AP3B1: variants seen among roughly 807,000 people sequenced by gnomAD.
The protein encoded by AP3B1 is AP-3 complex subunit beta-1.
AP3B1 carries 61 observed loss-of-function variants against 132.5 expected under a neutral mutation model. That is an observed-to-expected ratio of 0.46 (90% CI 0.37 to 0.57). The LOEUF (loss-of-function observed/expected upper bound fraction) is 0.57, where lower values mean the gene tolerates loss of function less well. Ranked by LOEUF, AP3B1 falls within the 20% of genes least tolerant of loss-of-function variation. The pLI, the probability that AP3B1 is intolerant of heterozygous loss-of-function variation, is 0.00. For synonymous variants in AP3B1, 388 were observed against 438.3 expected, an observed-to-expected ratio of 0.89 and a Z score of 1.43; for missense variants, 1,120 against 1,289.4, an observed-to-expected ratio of 0.87 and a Z score of 2.01.
intron 25 of AP3B1, among the ~76,000 whole-genome samples, chr5:78,020,034 G>A (rs1172233558): frequency 1.3e-5 from 2 of 151,222 alleles, no homozygotes; most frequent in Non-Finnish European, 2.9e-5. Context: ...ATTCACATAC[G>A]AAAAAAAACC....
intron 6 of AP3B1, among the ~76,000 whole-genome samples, chr5:78,220,913 G>A (rs1337845994): frequency 6.6e-6 from 1 of 152,054 alleles, no homozygotes; most frequent in Non-Finnish European, 1.5e-5. Flanking sequence ...GCTGGGCATG[G>A]TGGTGCATGT....
At chr5:78,245,854 A>G (rs554626377) in intron 2 of AP3B1, among the ~76,000 whole-genome samples, 4 of 152,202 alleles carry the variant, frequency 2.6e-5, no homozygotes, top group Non-Finnish European at 5.9e-5. Flanking sequence ...TTTTCATTTT[A>G]TTTGGTTGAA....
chr5:78,141,223 T>C lies in AP3B1; in HGVS notation c.1570A>G (p.Ser524Gly). The part of the protein sequence containing the change: ...APDVLRKMAK[S>G]FTSEDDLVKL... Reference sequence around the variant, plus strand: ...ACCAGATCATCTTCACTAGTGAAGCTTTTAGCCATCTTCCTCAAAACATCA... The same window carrying C: ...ACCAGATCATCTTCACTAGTGAAGCCTTTAGCCATCTTCCTCAAAACATCA... The change falls in exon 15 of 27, where the codon AGC becomes GGC. Residue 524 changes from serine to glycine, a missense_variant. Around this residue, in one of 3 missense-constraint regions of AP3B1, gnomAD observed 906 missense variants for 997.1 expected, o/e 0.91. Transcript: ENST00000255194. The C allele has an allele frequency of 1.2e-6, 2 of 1,613,846 alleles. No homozygotes were observed. Among genetic ancestry groups the C allele is most frequent in the Non-Finnish European group, 1.7e-6 (2 of 1,179,766 alleles).
intron 7 of AP3B1, among the ~76,000 whole-genome samples, chr5:78,205,536 C>G (rs949221111): frequency 6.6e-6 from 1 of 151,860 alleles, no homozygotes. Context: ...ACAACTAGCT[C>G]TGGAAGCAAT....
chr5:78,227,680 AGG>A (rs1312726893), intron 4 of AP3B1, 148 bp from the exon 5 acceptor site: 2 of 721,094 alleles, frequency 2.8e-6, no homozygotes, highest in Admixed American at 2.7e-5. Flanking sequence ...ATTAGTATAT[AGG>A]AATGGGAAAA....
At chr5:78,157,403 C>T (rs930743902) in intron 13 of AP3B1, among the ~76,000 whole-genome samples, 1 of 152,094 alleles carries the variant, frequency 6.6e-6, no homozygotes, top group Non-Finnish European at 1.5e-5. Flanking sequence ...CTTGCCAGAG[C>T]CTTAACTAAT....
At chr5:78,268,903 C>T (rs141246997) in intron 1 of AP3B1, among the ~76,000 whole-genome samples, 13 of 152,128 alleles carry the variant, frequency 8.5e-5, no homozygotes, top group Admixed American at 1.3e-4. Flanking sequence ...CAGCTTCTCA[C>T]GTATGTCATA....
In AP3B1 at chr5:78,147,341, T is replaced by C. The variant is rs1396502628; in HGVS notation, c.1474-6022A>G. 3.3e-5 allele frequency among the ~76,000 whole-genome samples: 5 copies of C among 152,136 alleles called. No individual in the cohort carries two copies. The East Asian group carries it at 9.6e-4, about 29-fold the overall frequency. ...GCTTAATATCTCTTTCCTTACCTTC[T>C]TATTTTCAACTTTTATCACTTGATT... On this transcript the variant is annotated intron_variant, in intron 14 of 26. Transcript: ENST00000255194.
intron 24 of AP3B1, among the ~76,000 whole-genome samples, chr5:78,024,416 TCTCAG>T (rs1427397028): frequency 4.1e-4 from 62 of 152,006 alleles, no homozygotes; most frequent in African/African-American, 1.5e-3. Flanking sequence ...GGAGACAGGG[TCTCAG>T]CTCTGTCACC....
intron 2 of AP3B1, among the ~76,000 whole-genome samples, chr5:78,260,423 G>T (rs1048710476): frequency 6.6e-6 from 1 of 151,984 alleles, no homozygotes; most frequent in Non-Finnish European, 1.5e-5. Flanking sequence ...TGAAACCCCC[G>T]TCTCGACTAA....
chr5:78,136,104 T>C (rs747503878), intron 15 of AP3B1, among the ~76,000 whole-genome samples: 6 of 152,102 alleles, frequency 3.9e-5, no homozygotes, highest in Non-Finnish European at 7.4e-5. Context: ...TTTTTCCTAA[T>C]AAGAATACAC....
At chr5:78,256,923 T>A (rs1437821568) in intron 2 of AP3B1, among the ~76,000 whole-genome samples, 8 of 152,140 alleles carry the variant, frequency 5.3e-5, no homozygotes, top group Non-Finnish European at 1.2e-4. Context: ...AAAAACCATA[T>A]GATCATTTCA....
At chr5:78,160,255 C>T (rs1743335871) in intron 13 of AP3B1, among the ~76,000 whole-genome samples, 1 of 152,128 alleles carries the variant, frequency 6.6e-6, no homozygotes, top group Admixed American at 6.5e-5. Flanking sequence ...TAAATGCTTA[C>T]TGAATTGTTT....
chr5:78,221,578 C>T (rs1225243956), intron 6 of AP3B1, among the ~76,000 whole-genome samples: 1 of 151,264 alleles, frequency 6.6e-6, no homozygotes, highest in Non-Finnish European at 1.5e-5. Flanking sequence ...AATAAAATTA[C>T]TGAATGAAAA....
chr5:78,253,496 T>C (rs1747722408), intron 2 of AP3B1, among the ~76,000 whole-genome samples: 1 of 152,178 alleles, frequency 6.6e-6, no homozygotes, highest in Non-Finnish European at 1.5e-5. Flanking sequence ...CAAAAACTGA[T>C]GAACATCTAC....
chr5:78,137,359 A>G (rs1164926377), intron 15 of AP3B1, among the ~76,000 whole-genome samples: 8 of 152,120 alleles, frequency 5.3e-5, no homozygotes, highest in Non-Finnish European at 1.5e-5. Flanking sequence ...CCAGCCAAAA[A>G]CTTAGGTACA....
chr5:78,146,306 T>C (rs1753390858), intron 14 of AP3B1, among the ~76,000 whole-genome samples: 1 of 152,212 alleles, frequency 6.6e-6, no homozygotes, highest in Admixed American at 6.5e-5. Context: ...TAACTTGTGG[T>C]TGACCATTTT....
At chr5:78,168,987 A>G (rs961820371) in intron 11 of AP3B1, among the ~76,000 whole-genome samples, 1 of 152,158 alleles carries the variant, frequency 6.6e-6, no homozygotes, top group Non-Finnish European at 1.5e-5. Context: ...TTTCATATGA[A>G]TAATACATCA....
chr5:78,205,885 CTACTA>C (rs1745485402), intron 7 of AP3B1, among the ~76,000 whole-genome samples: 1 of 151,574 alleles, frequency 6.6e-6, no homozygotes, highest in African/African-American at 2.4e-5. Context: ...GAATATAGCT[CTACTA>C]TACTAGGAAT....
Sources: allele counts gnomAD v4.1 joint callset (sites outside exome capture counted in the v4.1 genomes callset), GRCh38; gene constraint gnomAD v4.1.1; regional missense constraint gnomAD v4.1.1; transcripts MANE v1.5; gene names NCBI Gene and HGNC (gene_info 2026-07-23, HGNC 2026-07-21).